Variants in RBFOX1 observed in about 807,000 individuals in gnomAD.
RBFOX1 encodes the protein RNA binding fox-1 homolog 1.
In RBFOX1, 8 loss-of-function variants were observed where a neutral mutation model predicts 57.7. The observed-to-expected ratio is 0.14, with a 90% confidence interval of 0.08 to 0.25. RBFOX1 has a LOEUF of 0.25. RBFOX1 is among the 10% of genes least tolerant of loss of function. The pLI, the probability that RBFOX1 is intolerant of heterozygous loss-of-function variation, is 1.00. For synonymous variants in RBFOX1, 326 were observed against 222.4 expected (o/e 1.47, Z -4.15); for missense variants, 611 against 548.5 (o/e 1.11, Z -1.14).
At chr16:7,501,172 G>A (rs557981322) in intron 4 of RBFOX1, among the ~76,000 whole-genome samples, 14 of 152,148 alleles carry the variant, frequency 9.2e-5, no homozygotes, top group South Asian at 2.1e-4. Context: ...TTTTGATGAT[G>A]GTGATGGAGA....
At chr16:6,394,195 A>C (rs560393727) in intron 2 of RBFOX1, among the ~76,000 whole-genome samples, 3 of 152,308 alleles carry the variant, frequency 2.0e-5, no homozygotes, top group African/African-American at 7.2e-5. Flanking sequence ...TCAGAAGTTG[A>C]CATATTGTTT....
intron 4 of RBFOX1, among the ~76,000 whole-genome samples, chr16:7,273,208 T>TC (rs1567985636): frequency 2.6e-5 from 2 of 75,886 alleles, no homozygotes; most frequent in Non-Finnish European, 5.1e-5. Context: ...CTCCCTCCCT[T>TC]CCTTCCTTCC....
chr16:6,542,386 A>T (rs1045561427), intron 2 of RBFOX1, among the ~76,000 whole-genome samples: 1 of 148,202 alleles, frequency 6.7e-6, no homozygotes, highest in Non-Finnish European at 1.5e-5. Flanking sequence ...GGAGGGTTTT[A>T]CCCCATGTGT....
intron 3 of RBFOX1, among the ~76,000 whole-genome samples, chr16:6,957,551 G>A (rs1398330427): frequency 1.3e-5 from 2 of 152,070 alleles, no homozygotes; most frequent in Non-Finnish European, 2.9e-5. Flanking sequence ...GACGATCAGA[G>A]GTGACTCTCA....
Position 6,925,109 on chromosome 16 carries a change from G to GTTTT in RBFOX1, c.-15-126909_-15-126906dup, listed in dbSNP as rs57556084. On this transcript the variant is annotated intron_variant, in intron 3 of 15. Transcript: ENST00000550418. ...TCGTTGTTGGACATCTAGGTTGTTG[G>GTTTT]TTTTTTTTTTTTTTTTTTTTTTTTT... Among the ~76,000 whole-genome samples the GTTTT allele has an allele frequency of 2.8e-3, 126 of 45,244 alleles. 30 individuals carry two copies. The highest frequency in any genetic ancestry group is 7.3e-3 in the African/African-American group (83 of 11,328). 29.7% of individuals were successfully genotyped at this position (45,244 alleles called of 152,430 possible).
At chr16:6,266,835 C>G (rs777591644) in intron 1 of RBFOX1, among the ~76,000 whole-genome samples, 1 of 152,132 alleles carries the variant, frequency 6.6e-6, no homozygotes, top group African/African-American at 2.4e-5. Context: ...GGCATTCCCT[C>G]ATAATTAGTT....
At chr16:5,462,269 C>T (rs1243668437) in intron 1 of RBFOX1, among the ~76,000 whole-genome samples, 3 of 151,094 alleles carry the variant, frequency 2.0e-5, no homozygotes, top group East Asian at 2.0e-4. Context: ...CCCGGGTTCA[C>T]GCCATTCTCC....
At chr16:7,650,675 C>T (rs774085653) in intron 11 of RBFOX1, among the ~76,000 whole-genome samples, 1 of 152,218 alleles carries the variant, frequency 6.6e-6, no homozygotes, top group East Asian at 1.9e-4. Flanking sequence ...GTCTGGCTCA[C>T]TCGGCTCCAT....
intron 4 of RBFOX1, among the ~76,000 whole-genome samples, chr16:7,368,094 C>G (rs2097494923): frequency 2.0e-5 from 3 of 151,946 alleles, no homozygotes; most frequent in African/African-American, 7.3e-5. Context: ...TAATGAAACC[C>G]CATCTTTACT....
At chr16:6,500,427 AC>A (rs964387486) in intron 2 of RBFOX1, among the ~76,000 whole-genome samples, 1 of 152,210 alleles carries the variant, frequency 6.6e-6, no homozygotes, top group African/African-American at 2.4e-5. Flanking sequence ...TTGTTAAGTC[AC>A]ACAAAGCACA....
At position 6,901,311 on chromosome 16, in the gene RBFOX1, C is replaced by G. The variant is rs1054572318; in HGVS notation, c.-15-150746C>G. ...ATCCCTCTCCGTGGGCTCATTTTAG[C>G]AACACGGCAAGTCAACAGAAGTTTC... On this transcript the variant is annotated intron_variant, in intron 3 of 15. Coordinates refer to ENST00000550418, the MANE Select transcript of RBFOX1 (RefSeq NM_018723.4). Among the ~76,000 whole-genome samples the G allele has an allele frequency of 3.9e-5, 6 of 152,156 alleles. 1 individual carries two copies. Among genetic ancestry groups the G allele is most frequent in the Admixed American group, 3.9e-4 (6 of 15,282 alleles).
Position 6,917,359 on chromosome 16 carries a change from C to T in RBFOX1, c.-15-134698C>T, listed in dbSNP as rs564993994. On this transcript the variant is annotated intron_variant, in intron 3 of 15. Transcript: ENST00000550418. ...CTGGTGAAATCAGTATATGGGATTG[C>T]ACATGAAATGAAGAGTTTCTGAACT... Among the ~76,000 whole-genome samples the T allele has an allele frequency of 1.9e-3, 285 of 152,272 alleles. 1 individual carries two copies. The highest frequency in any genetic ancestry group is 3.8e-3 in the Admixed American group (58 of 15,292).
chr16:5,807,710 A>T (rs1423911926), intron 3 of RBFOX1, among the ~76,000 whole-genome samples: 1 of 152,206 alleles, frequency 6.6e-6, no homozygotes, highest in East Asian at 1.9e-4. Flanking sequence ...TGAAGTCTAC[A>T]TCGGTGCATC....
chr16:7,333,519 C>T (rs975631466), intron 4 of RBFOX1, among the ~76,000 whole-genome samples: 2 of 152,140 alleles, frequency 1.3e-5, no homozygotes, highest in Non-Finnish European at 2.9e-5. Flanking sequence ...TAGGACGCCT[C>T]CACACGGATT....
intron 3 of RBFOX1, among the ~76,000 whole-genome samples, chr16:6,955,488 G>T (rs978295789): frequency 6.6e-6 from 1 of 151,924 alleles, no homozygotes; most frequent in Non-Finnish European, 1.5e-5. Context: ...ATTCAGGCAA[G>T]ATATGAATCT....
intron 2 of RBFOX1, among the ~76,000 whole-genome samples, chr16:6,361,703 C>T (rs1386664096): frequency 2.0e-5 from 3 of 151,766 alleles, no homozygotes; most frequent in African/African-American, 7.3e-5. Flanking sequence ...GCTTTACAAA[C>T]CCCCTACCTT....
rs569963374 is a variant in RBFOX1, at chr16:7,076,037, CT to C, written c.27+23952del. 7.2e-3 allele frequency among the ~76,000 whole-genome samples: 1,016 copies of C among 140,432 alleles called. 9 individuals carry two copies. Among genetic ancestry groups the C allele is most frequent in the African/African-American group, 0.012 (462 of 38,160 alleles). The allele number at this position is 140,432 out of a possible 152,430, so 92.1% of individuals were successfully genotyped here. A position where few individuals can be genotyped will look rare whatever the true frequency, so the allele number is the denominator to read the frequency against. ...GTTTCTATTTATCCTCACACTTGGG[CT>C]TTTTTTTTTTTTCTTTTTTTTTCGA... is the stretch of plus-strand genomic sequence containing the variant. On this transcript the variant is annotated intron_variant, in intron 4 of 15. Transcript: ENST00000550418.
At chr16:6,193,376 ACATTATATATATATAC>A (rs1216630192) in intron 1 of RBFOX1, among the ~76,000 whole-genome samples, 15 of 80,742 alleles carry the variant, frequency 1.9e-4, no homozygotes, top group African/African-American at 6.1e-4. Context: ...ATATATATAT[ACATTATATATATATAC>A]TATATATATA....
intron 3 of RBFOX1, among the ~76,000 whole-genome samples, chr16:6,920,423 A>G (rs974184117): frequency 6.6e-6 from 1 of 152,194 alleles, no homozygotes; most frequent in African/African-American, 2.4e-5. Flanking sequence ...TCCTCAGCTT[A>G]TAAATGGCTT....
Sources: gnomAD v4.1 joint callset for allele counts (sites outside exome capture counted in the v4.1 genomes callset) on GRCh38, gnomAD v4.1.1 for gene constraint, MANE v1.5 for transcripts, NCBI Gene and HGNC (gene_info 2026-07-23, HGNC 2026-07-21) for gene names.